The following PCDH9 variants were observed in gnomAD, a reference collection of about 807,000 sequenced individuals.
PCDH9 encodes protocadherin 9, also known as protocadherin-9.
PCDH9 carries 24 observed loss-of-function variants against 70.6 expected under a neutral mutation model. The observed-to-expected ratio is 0.34, with a 90% CI of 0.25 to 0.48. PCDH9 has a LOEUF of 0.48. Among genes scored for constraint, PCDH9 ranks in the 20% least tolerant of loss-of-function variants. PCDH9 has a pLI of 0.99. For synonymous variants in PCDH9, 562 were observed against 558.5 expected (o/e 1.01, Z -0.09); for missense variants, 1,281 against 1,503.6 (o/e 0.85, Z 2.45).
chr13:66,692,124 T>G (rs1226597590), intron 3 of PCDH9, among the ~76,000 whole-genome samples: 1 of 152,164 alleles, frequency 6.6e-6, no homozygotes, highest in Admixed American at 6.5e-5. Context: ...GATATTAGCC[T>G]CTACATGGCA....
intron 2 of PCDH9, among the ~76,000 whole-genome samples, chr13:67,091,351 TGAA>T (rs1345922820): frequency 6.6e-6 from 1 of 152,142 alleles, no homozygotes; most frequent in Non-Finnish European, 1.5e-5. Flanking sequence ...GCTAATACAG[TGAA>T]GATTTTTCAA....
At chr13:66,507,873 C>T (rs1168722647) in intron 4 of PCDH9, among the ~76,000 whole-genome samples, 1 of 152,108 alleles carries the variant, frequency 6.6e-6, no homozygotes, top group Non-Finnish European at 1.5e-5. Context: ...TGGTGTGTGC[C>T]CCCACGCCCA....
chr13:66,935,179 GCCTCCTGAGTAGCTGGGA>G (rs1194955411), intron 2 of PCDH9, among the ~76,000 whole-genome samples: 5 of 151,946 alleles, frequency 3.3e-5, no homozygotes, highest in Admixed American at 6.6e-5. Context: ...TTTCTCCTCA[GCCTCCTGAGTAGCTGGGA>G]CTACAGGCAT....
intron 4 of PCDH9, among the ~76,000 whole-genome samples, chr13:66,333,550 T>A (rs1955979610): frequency 2.0e-5 from 3 of 152,174 alleles, no homozygotes. Context: ...TAAAATAGAA[T>A]GACTTAAGAA....
chr13:67,180,132 TATTTA>T (rs2088577230), intron 2 of PCDH9, among the ~76,000 whole-genome samples: 1 of 152,194 alleles, frequency 6.6e-6, no homozygotes, highest in Non-Finnish European at 1.5e-5. Flanking sequence ...ATGACTATTT[TATTTA>T]AGTGTGATAT....
At chr13:66,418,733 A>C (rs1482993374) in intron 4 of PCDH9, among the ~76,000 whole-genome samples, 1 of 152,190 alleles carries the variant, frequency 6.6e-6, no homozygotes, top group Non-Finnish European at 1.5e-5. Context: ...AGAAATAACT[A>C]AGATTAGAGA....
At chr13:66,338,018 A>G (rs577924692) in intron 4 of PCDH9, among the ~76,000 whole-genome samples, 1 of 152,240 alleles carries the variant, frequency 6.6e-6, no homozygotes, top group East Asian at 1.9e-4. Context: ...ACCTGGCTCC[A>G]GATAACTGTA....
At chr13:67,214,232 T>A (rs966250894) in intron 2 of PCDH9, 8 of 152,222 alleles carry the variant, frequency 5.3e-5, no homozygotes, top group African/African-American at 1.7e-4. Context: ...GTAAAAGCTG[T>A]TGGTGATTAT....
intron 4 of PCDH9, among the ~76,000 whole-genome samples, chr13:66,549,958 A>G (rs909517829): frequency 6.6e-6 from 1 of 152,184 alleles, no homozygotes; most frequent in Non-Finnish European, 1.5e-5. Context: ...TGAATAGAAA[A>G]CAAACTTGTA....
At chr13:67,047,227 A>T (rs530461234) in intron 2 of PCDH9, among the ~76,000 whole-genome samples, 2 of 152,304 alleles carry the variant, frequency 1.3e-5, no homozygotes, top group South Asian at 4.1e-4. Flanking sequence ...TACAAGCTCC[A>T]CTGTGATGAA....
At position 66,988,653 on chromosome 13, in the gene PCDH9, T is replaced by C. The variant is rs116069831; in HGVS notation, c.3037-85048A>G. Among the ~76,000 whole-genome samples the C allele has an allele frequency of 3.3e-3, 502 of 152,068 alleles. 2 individuals carry two copies. Among genetic ancestry groups the C allele is most frequent in the African/African-American group, 0.011 (461 of 41,536 alleles). ...TGTAAATAAAGGAATCTGGAAATAA[T>C]ACAAATGAAAGAATGAGGAAATAAT... On this transcript the variant is annotated intron_variant, in intron 2 of 4. Coordinates refer to ENST00000377865, the MANE Select transcript of PCDH9 (RefSeq NM_203487.3).
intron 3 of PCDH9, among the ~76,000 whole-genome samples, chr13:66,768,247 G>T (rs957949951): frequency 2.0e-5 from 3 of 151,942 alleles, no homozygotes; most frequent in Admixed American, 2.0e-4. Context: ...CAAATCAAAG[G>T]CATAAAAAAT....
chr13:66,487,873 A>G (rs564597380), intron 4 of PCDH9, among the ~76,000 whole-genome samples: 1 of 152,332 alleles, frequency 6.6e-6, no homozygotes, highest in Non-Finnish European at 1.5e-5. Flanking sequence ...GTAAGCTTGT[A>G]GACCAGGATC....
chr13:67,130,492 T>C (rs2087085826), intron 2 of PCDH9, among the ~76,000 whole-genome samples: 1 of 152,124 alleles, frequency 6.6e-6, no homozygotes, highest in Non-Finnish European at 1.5e-5. Context: ...CTCACTGTTT[T>C]GCAGATCTCG....
chr13:67,000,729 G>T (rs2084227135), intron 2 of PCDH9, among the ~76,000 whole-genome samples: 1 of 152,102 alleles, frequency 6.6e-6, no homozygotes. Context: ...TCTTTGTGCA[G>T]TAAGAAACTA....
At chr13:66,935,721 A>G (rs1372429311) in intron 2 of PCDH9, among the ~76,000 whole-genome samples, 1 of 152,200 alleles carries the variant, frequency 6.6e-6, no homozygotes, top group Non-Finnish European at 1.5e-5. Flanking sequence ...ATGTTAAATT[A>G]TCATTAAATA....
chr13:66,819,571 G>A (rs911285662), intron 3 of PCDH9, among the ~76,000 whole-genome samples: 15 of 152,090 alleles, frequency 9.9e-5, no homozygotes, highest in African/African-American at 3.1e-4. Flanking sequence ...TAGTTAATTA[G>A]GGAGAGTATC....
intron 3 of PCDH9, among the ~76,000 whole-genome samples, chr13:66,809,357 AAT>A (rs2080463057): frequency 6.6e-6 from 1 of 152,240 alleles, no homozygotes; most frequent in Admixed American, 6.5e-5. Context: ...TGTTTAAATT[AAT>A]ATGACAAAAC....
chr13:66,403,147 A>G (rs1044459814), intron 4 of PCDH9, among the ~76,000 whole-genome samples: 1 of 150,178 alleles, frequency 6.7e-6, no homozygotes, highest in Non-Finnish European at 1.5e-5. Context: ...CAATTTATTC[A>G]TTTTTTTTTC....
Sources: gnomAD v4.1 joint callset for allele counts (sites outside exome capture counted in the v4.1 genomes callset) on GRCh38, gnomAD v4.1.1 for gene constraint, MANE v1.5 for transcripts, NCBI Gene and HGNC (gene_info 2026-07-23, HGNC 2026-07-21) for gene names.